Variants in ERC1 observed in about 807,000 individuals in gnomAD.
ERC1 encodes RAB6 interacting protein 2.
Under a neutral mutation model 132.0 loss-of-function variants are expected in ERC1, and 56 were observed. The observed-to-expected ratio is 0.42, with a 90% CI of 0.34 to 0.53. ERC1 has a LOEUF of 0.53. Ranked by LOEUF, ERC1 falls within the 20% of genes least tolerant of loss-of-function variation. The probability of loss-of-function intolerance (pLI) is 0.03; values close to 1 mark genes in which losing one functional copy is unlikely to be tolerated. For synonymous variants in ERC1, 478 were observed against 476.1 expected (o/e 1.00, Z -0.05); for missense variants, 1,202 against 1,349.9 (o/e 0.89, Z 1.72).
intron 14 of ERC1, among the ~76,000 whole-genome samples, chr12:1,288,265 A>G (rs972998434): frequency 1.3e-5 from 2 of 152,180 alleles, no homozygotes; most frequent in Admixed American, 6.5e-5. Context: ...ACATAGCAAT[A>G]TATTCTCTTT....
intron 15 of ERC1, among the ~76,000 whole-genome samples, chr12:1,291,840 G>A (rs1385489672): frequency 6.6e-6 from 1 of 152,166 alleles, no homozygotes; most frequent in Non-Finnish European, 1.5e-5. Flanking sequence ...GTGGTGCATT[G>A]GAAACATTTG....
intron 3 of ERC1, among the ~76,000 whole-genome samples, chr12:1,099,409 C>A (rs1593283597): frequency 6.6e-6 from 1 of 151,688 alleles, no homozygotes; most frequent in African/African-American, 2.4e-5. Context: ...ATCATCTTTC[C>A]CCTCCCTTTT....
chr12:1,440,505 C>CG (rs1365377260), intron 17 of ERC1, among the ~76,000 whole-genome samples: 1,268 of 126,176 alleles, frequency 0.01, 106 homozygotes, highest in African/African-American at 0.037. Flanking sequence ...CGCGCCCGGC[C>CG]TTTTTTTTTT....
intron 16 of ERC1, among the ~76,000 whole-genome samples, chr12:1,396,537 C>T (rs931965323): frequency 1.9e-4 from 29 of 152,178 alleles, no homozygotes; most frequent in Non-Finnish European, 1.5e-5. Flanking sequence ...GATATGTAAA[C>T]AGATGATTAG....
chr12:1,263,668 C>T (rs1035029720), intron 14 of ERC1, among the ~76,000 whole-genome samples: 1 of 151,698 alleles, frequency 6.6e-6, no homozygotes, highest in Non-Finnish European at 1.5e-5. Flanking sequence ...AAAACATGAA[C>T]GTTTCTCTTT....
chr12:1,400,101 TTTTG>T (rs1418975654), intron 16 of ERC1, among the ~76,000 whole-genome samples: 1 of 152,124 alleles, frequency 6.6e-6, no homozygotes, highest in East Asian at 1.9e-4. Flanking sequence ...CATTATGGGG[TTTTG>T]TTTGTTTTGT....
intron 12 of ERC1, among the ~76,000 whole-genome samples, chr12:1,217,487 G>T (rs1252013914): frequency 6.6e-6 from 1 of 152,186 alleles, no homozygotes; most frequent in Admixed American, 6.5e-5. Flanking sequence ...TTCCTAGACA[G>T]TGTCATTTCT....
At chr12:1,104,011 T>C (rs112391550) in intron 3 of ERC1, among the ~76,000 whole-genome samples, 1 of 18,746 alleles carries the variant, frequency 5.3e-5, no homozygotes, top group Admixed American at 9.6e-4. Flanking sequence ...TACTGACTGA[T>C]TTATTTAGAG....
chr12:1,477,338 C>G (rs1000642255), intron 18 of ERC1, among the ~76,000 whole-genome samples: 23 of 152,174 alleles, frequency 1.5e-4, no homozygotes, highest in African/African-American at 5.1e-4. Context: ...CTGTTATTAT[C>G]ACCCTCCCCC....
intron 18 of ERC1, among the ~76,000 whole-genome samples, chr12:1,447,546 A>AC (rs201256150): frequency 0.061 from 8,985 of 146,310 alleles, 871 homozygotes; most frequent in African/African-American, 0.21. Flanking sequence ...AACAACAACA[A>AC]AAAAAAAAAA....
chr12:1,136,071 G>A (rs1250396058), intron 7 of ERC1, among the ~76,000 whole-genome samples: 1 of 152,148 alleles, frequency 6.6e-6, no homozygotes, highest in African/African-American at 2.4e-5. Flanking sequence ...AACCCATTTA[G>A]TCTTCTTCAT....
chr12:1,012,329 A>G (rs1249657178), intron 1 of ERC1, among the ~76,000 whole-genome samples: 1 of 152,240 alleles, frequency 6.6e-6, no homozygotes, highest in Non-Finnish European at 1.5e-5. Context: ...AGACATGCAA[A>G]AAGATACAGA....
At chr12:1,465,851 A>G (rs1006397041) in intron 18 of ERC1, among the ~76,000 whole-genome samples, 2 of 152,168 alleles carry the variant, frequency 1.3e-5, no homozygotes, top group Non-Finnish European at 2.9e-5. Context: ...AATCTCCTGC[A>G]TGCCCTGTGA....
intron 3 of ERC1, among the ~76,000 whole-genome samples, chr12:1,084,305 T>G (rs1049903055): frequency 2.0e-5 from 3 of 152,228 alleles, no homozygotes; most frequent in Non-Finnish European, 2.9e-5. Flanking sequence ...TTTTCACTTT[T>G]GGGCAGGGGA....
At chr12:1,402,545 A>T (rs924409296) in intron 16 of ERC1, among the ~76,000 whole-genome samples, 3 of 151,998 alleles carry the variant, frequency 2.0e-5, no homozygotes, top group African/African-American at 7.3e-5. Context: ...GAGAAAGAAA[A>T]AAAGAAAGAA....
At chr12:1,345,187 C>CTTTTTT (rs573681390) in intron 15 of ERC1, among the ~76,000 whole-genome samples, 9 of 131,488 alleles carry the variant, frequency 6.8e-5, no homozygotes, top group Admixed American at 2.3e-4. Context: ...AATATTTCTT[C>CTTTTTT]TTTTTTTTTT....
intron 2 of ERC1, among the ~76,000 whole-genome samples, chr12:1,029,395 A>C (rs1397239333): frequency 6.6e-6 from 1 of 152,220 alleles, no homozygotes; most frequent in Non-Finnish European, 1.5e-5. Flanking sequence ...AGTACAAACA[A>C]TAAGTACCTG....
chr12:1,212,646 T>C (rs193127419), intron 12 of ERC1, among the ~76,000 whole-genome samples: 33 of 152,288 alleles, frequency 2.2e-4, no homozygotes, highest in African/African-American at 7.0e-4. Flanking sequence ...AGGGTTTTAT[T>C]GGGTGAAAAG....
intron 14 of ERC1, among the ~76,000 whole-genome samples, chr12:1,279,672 TA>T (rs1189775825): frequency 2.7e-5 from 4 of 148,522 alleles, no homozygotes; most frequent in Non-Finnish European, 6.0e-5. Flanking sequence ...TTTTTTTTTT[TA>T]ATTTTATTTT....
Sources: allele counts gnomAD v4.1 joint callset (sites outside exome capture counted in the v4.1 genomes callset), GRCh38; gene constraint gnomAD v4.1.1; transcripts MANE v1.5; gene names NCBI Gene and HGNC (gene_info 2026-07-23, HGNC 2026-07-21).